The following CADM2 variants were observed in gnomAD, a reference collection of about 807,000 sequenced individuals.
The protein encoded by CADM2 is cell adhesion molecule 2.
A neutral mutation model predicts 49.8 loss-of-function variants in CADM2; 12 were observed. The ratio of observed to expected loss-of-function variants is 0.24; its 90% confidence interval spans 0.15 to 0.39. The LOEUF (loss-of-function observed/expected upper bound fraction) is 0.39. CADM2 is among the 10% of genes least tolerant of loss of function. The pLI is 1.00. For missense variants in CADM2, 378 were observed against 492.3 expected, an observed-to-expected ratio of 0.77 and a Z score of 2.20; for synonymous variants, 214 against 175.4, an observed-to-expected ratio of 1.22 and a Z score of -1.74.
intron 2 of CADM2, among the ~76,000 whole-genome samples, chr3:85,774,335 G>A (rs780329194): frequency 2.6e-5 from 4 of 151,644 alleles, no homozygotes; most frequent in Non-Finnish European, 5.9e-5. Flanking sequence ...ATTTATGGTA[G>A]AATTTCTTAA....
At chr3:86,040,679 C>A (rs536257952) in intron 8 of CADM2, among the ~76,000 whole-genome samples, 16 of 152,270 alleles carry the variant, frequency 1.1e-4, no homozygotes, top group African/African-American at 3.8e-4. Flanking sequence ...TCCAGGAGAA[C>A]TTCCCCAATC....
intron 1 of CADM2, among the ~76,000 whole-genome samples, chr3:85,619,156 G>T (rs1041725385): frequency 6.6e-6 from 1 of 152,202 alleles, no homozygotes; most frequent in South Asian, 2.1e-4. Flanking sequence ...TTTGGACACT[G>T]TAACTGTGGA....
chr3:86,010,341 T>C (rs1731344264), intron 8 of CADM2, among the ~76,000 whole-genome samples: 1 of 151,890 alleles, frequency 6.6e-6, no homozygotes, highest in Non-Finnish European at 1.5e-5. Context: ...TTGTTTGTTT[T>C]TAAATCAATA....
chr3:85,958,916 G>T (rs921685252), intron 7 of CADM2, among the ~76,000 whole-genome samples: 1 of 151,706 alleles, frequency 6.6e-6, no homozygotes, highest in Non-Finnish European at 1.5e-5. Context: ...GGGGTGAGGG[G>T]AGGGAACCTA....
intron 1 of CADM2, among the ~76,000 whole-genome samples, chr3:85,113,519 C>G (rs997247161): frequency 2.0e-5 from 3 of 152,030 alleles, no homozygotes; most frequent in Admixed American, 6.6e-5. Context: ...TAAGGTCATT[C>G]TTTCAAAAAC....
At chr3:85,440,990 A>G (rs991143578) in intron 1 of CADM2, among the ~76,000 whole-genome samples, 31 of 152,144 alleles carry the variant, frequency 2.0e-4, no homozygotes, top group African/African-American at 7.2e-4. Context: ...TAATAAAAAG[A>G]CATATTTTAT....
At chr3:85,888,346 A>T (rs796793759) in intron 5 of CADM2, among the ~76,000 whole-genome samples, 1 of 152,292 alleles carries the variant, frequency 6.6e-6, no homozygotes, top group East Asian at 1.9e-4. Context: ...TGCCAAACAG[A>T]TTTAATCATA....
intron 8 of CADM2, among the ~76,000 whole-genome samples, chr3:86,017,956 C>G (rs1456576035): frequency 2.2e-5 from 3 of 139,356 alleles, no homozygotes; most frequent in African/African-American, 7.9e-5. Flanking sequence ...ATACATGTGC[C>G]ATGCTGGTGC....
chr3:85,933,650 C>T (rs79508575), intron 6 of CADM2, among the ~76,000 whole-genome samples: 5,174 of 152,090 alleles, frequency 0.034, 297 homozygotes, highest in African/African-American at 0.12. Flanking sequence ...AGTGAGTCAG[C>T]GAGCTGGAAG....
chr3:85,966,660 A>G (rs904873391), intron 8 of CADM2, among the ~76,000 whole-genome samples: 2 of 151,654 alleles, frequency 1.3e-5, no homozygotes, highest in African/African-American at 2.4e-5. Context: ...TAGTATTATG[A>G]TACTATATAG....
At chr3:85,252,482 A>G (rs536732654) in intron 1 of CADM2, among the ~76,000 whole-genome samples, 25 of 152,020 alleles carry the variant, frequency 1.6e-4, no homozygotes, top group Admixed American at 1.6e-3. Flanking sequence ...GGTGATAATT[A>G]AAATCATTCA....
chr3:85,879,235 A>G (rs1016897592), intron 3 of CADM2, among the ~76,000 whole-genome samples: 2 of 151,996 alleles, frequency 1.3e-5, no homozygotes, highest in African/African-American at 4.8e-5. Flanking sequence ...TAGGAGATAG[A>G]GTATGAAATA....
At chr3:85,421,826 T>C (rs1431817423) in intron 1 of CADM2, among the ~76,000 whole-genome samples, 1 of 152,212 alleles carries the variant, frequency 6.6e-6, no homozygotes, top group Non-Finnish European at 1.5e-5. Context: ...CACAAGTAAA[T>C]ACAGCATTCT....
intron 3 of CADM2, among the ~76,000 whole-genome samples, chr3:85,862,031 T>C (rs1339682802): frequency 6.6e-6 from 1 of 152,108 alleles, no homozygotes; most frequent in East Asian, 1.9e-4. Context: ...TATTAATAAA[T>C]ATCGTGAATA....
At chr3:85,845,664 G>A (rs2074849530) in intron 3 of CADM2, among the ~76,000 whole-genome samples, 1 of 152,156 alleles carries the variant, frequency 6.6e-6, no homozygotes, top group Admixed American at 6.5e-5. Flanking sequence ...ATTATATCAT[G>A]TGCTAAGTGG....
intron 1 of CADM2, among the ~76,000 whole-genome samples, chr3:85,588,828 A>C (rs2063019661): frequency 6.6e-6 from 1 of 152,072 alleles, no homozygotes; most frequent in African/African-American, 2.4e-5. Context: ...CAATTAGATT[A>C]GACAGTAGAA....
Position 85,485,073 on chromosome 3 carries a change from G to A in CADM2, c.62-241449G>A, listed in dbSNP as rs569658632. ...TTTTAACATAATGACAATAAAAGGT[G>A]CAAAATGAAAATAATAATTCATGTT... On this transcript the variant is annotated intron_variant, in intron 1 of 9. Coordinates refer to ENST00000383699, the MANE Select transcript of CADM2 (RefSeq NM_001167675.2). Among the ~76,000 whole-genome samples the A allele has an allele frequency of 3.3e-5, 5 of 151,862 alleles. No homozygotes were observed. The East Asian group carries it at 9.6e-4, about 29-fold the overall frequency.
chr3:84,990,849 T>C (rs2032844157), intron 1 of CADM2, among the ~76,000 whole-genome samples: 1 of 152,106 alleles, frequency 6.6e-6, no homozygotes, highest in South Asian at 2.1e-4. Flanking sequence ...TTTTCTAAGA[T>C]GACAAATCAC....
At chr3:85,760,459 T>C (rs1408482696) in intron 2 of CADM2, among the ~76,000 whole-genome samples, 1 of 152,082 alleles carries the variant, frequency 6.6e-6, no homozygotes, top group Non-Finnish European at 1.5e-5. Context: ...AAGGAAAAAA[T>C]AAGGTATTTG....
Sources: allele counts gnomAD v4.1 joint callset (sites outside exome capture counted in the v4.1 genomes callset), GRCh38; gene constraint gnomAD v4.1.1; transcripts MANE v1.5; gene names NCBI Gene and HGNC (gene_info 2026-07-23, HGNC 2026-07-21).